The following FRMPD1 variants were observed in gnomAD, a reference collection of about 807,000 sequenced individuals.
The protein encoded by FRMPD1 is FERM and PDZ domain-containing protein 1.
In FRMPD1, 76 loss-of-function variants were observed where a neutral mutation model predicts 117.8. That is an observed-to-expected ratio of 0.65 (90% confidence interval 0.54 to 0.78). The LOEUF (loss-of-function observed/expected upper bound fraction) is 0.78, where lower values mean the gene tolerates loss of function less well. Ranked by LOEUF, FRMPD1 falls within the 30% of genes least tolerant of loss-of-function variation. The probability of loss-of-function intolerance (pLI) is 0.00; values close to 1 mark genes in which losing one functional copy is unlikely to be tolerated. For synonymous variants in FRMPD1, 783 were observed against 770.4 expected (o/e 1.02, Z -0.27); for missense variants, 1,786 against 1,964.5 (o/e 0.91, Z 1.72).
At chr9:37,640,010 C>T in the FRMPD1 span, among the ~76,000 whole-genome samples, 9 of 152,336 alleles carry the variant, frequency 5.9e-5, no homozygotes, top group Non-Finnish European at 8.8e-5. Context: ...TGCCTCTATA[C>T]AGCCAGCATG....
At chr9:37,636,840 C>A in the FRMPD1 span, 2 of 1,611,488 alleles carry the variant, frequency 1.2e-6, no homozygotes, top group Non-Finnish European at 1.7e-6. Context: ...GCATTCTTGG[C>A]ACTCGTCTCC....
At chr9:37,690,177 T>G (rs1822082839) in intron 1 of FRMPD1, among the ~76,000 whole-genome samples, 1 of 152,122 alleles carries the variant, frequency 6.6e-6, no homozygotes. Context: ...TATTGTCTTT[T>G]ATGTTTTCTC....
chr9:37,744,722 T>A lies in FRMPD1; in HGVS notation c.2690T>A (p.Leu897Gln), dbSNP rs1400918897. Residue 897 changes from leucine to glutamine, a missense_variant, in exon 16 of 16, where the codon CTG (leucine) becomes CAG (glutamine). Physicochemically the swap from Leu to Gln is moderately radical, Grantham distance 113. Coordinates refer to ENST00000377765, the MANE Select transcript of FRMPD1 (RefSeq NM_014907.3). Reference protein sequence around the residue: ...LQDMQGEPGLLETKALGLLAP... With the variant: ...LQDMQGEPGLQETKALGLLAP... ...GACATGCAGGGTGAGCCTGGCCTTCTGGAGACCAAGGCCTTGGGGCTGCTG... is the reference window on the plus strand; with the variant it reads ...GACATGCAGGGTGAGCCTGGCCTTCAGGAGACCAAGGCCTTGGGGCTGCTG... 1 of 1,613,976 alleles carries A rather than the reference T, an allele frequency of 6.2e-7. No individual in the cohort carries two copies. Among genetic ancestry groups the A allele is most frequent in the Non-Finnish European group, 8.5e-7 (1 of 1,179,914 alleles).
At chr9:37,731,556 G>A (rs1230593727) in intron 9 of FRMPD1, among the ~76,000 whole-genome samples, 1 of 152,146 alleles carries the variant, frequency 6.6e-6, no homozygotes, top group Non-Finnish European at 1.5e-5. Flanking sequence ...GAGTTATGAT[G>A]CCATTTTTAT....
At chr9:37,667,213 C>T (rs1449243682) in intron 1 of FRMPD1, among the ~76,000 whole-genome samples, 1 of 151,502 alleles carries the variant, frequency 6.6e-6, no homozygotes, top group African/African-American at 2.4e-5. Context: ...CACAGGTGCG[C>T]ACCACCAAGC....
rs772352899 is a variant in FRMPD1, at chr9:37,740,775, C to G, written c.2247C>G (p.Ser749=). The G allele has an allele frequency of 1.4e-5, 22 of 1,614,130 alleles. No homozygotes were observed. Among genetic ancestry groups the G allele is most frequent in the Non-Finnish European group, 1.9e-5 (22 of 1,179,954 alleles). ...GCTGGACTGAGGCCCAGCCCAGTTCCATGCTGGAACCCCTGGCCCTGCACC... is the reference window on the plus strand; with the variant it reads ...GCTGGACTGAGGCCCAGCCCAGTTCGATGCTGGAACCCCTGGCCCTGCACC... ...QQGWTEAQPS[S]MLEPLALHPP... Residue 749 remains serine, a synonymous_variant, in exon 15 of 16, where the codon TCC becomes TCG. Coordinates refer to ENST00000377765, the MANE Select transcript of FRMPD1 (RefSeq NM_014907.3). The surrounding 1 kb of genome is among the most constrained non-coding windows in gnomAD (Gnocchi z 4.2).
In FRMPD1 at chr9:37,744,470, T is replaced by A; in HGVS notation, c.2438T>A (p.Leu813Gln). The A allele has an allele frequency of 6.2e-7, 1 of 1,614,138 alleles. No individual in the cohort carries two copies. Among genetic ancestry groups the A allele is most frequent in the Middle Eastern group, 1.6e-4 (1 of 6,062 alleles). The change falls in exon 16 of 16, where the codon CTG becomes CAG. Residue 813 changes from leucine to glutamine, a missense_variant. Coordinates refer to ENST00000377765, the MANE Select transcript of FRMPD1 (RefSeq NM_014907.3). ...KASTSSPENS[L>Q]PCGPDGRQPS... The stretch of plus-strand genomic sequence containing the variant: ...AGCACTTCTAGCCCTGAGAACAGCC[T>A]GCCTTGTGGGCCAGATGGAAGACAG...
rs866145633 is a variant in FRMPD1 at position 37,740,887 on chromosome 9, G to A, written c.2356+3G>A. 6.2e-7 allele frequency: 1 copy of A among 1,612,518 alleles called. No individual in the cohort carries two copies. Among genetic ancestry groups the A allele is most frequent in the South Asian group, 1.1e-5 (1 of 91,046 alleles). ...CACTCCCCCAGGCCCCCCGTCAGGT[G>A]AGCCGTCCCTTGCAGGTCTGCAGAC... On this transcript the variant is annotated splice_donor_region_variant and intron_variant, in intron 15 of 15. Coordinates refer to ENST00000377765, the MANE Select transcript of FRMPD1 (RefSeq NM_014907.3). The surrounding 1 kb of genome is among the most constrained non-coding windows in gnomAD (Gnocchi z 4.2).
intron 5 of FRMPD1, among the ~76,000 whole-genome samples, chr9:37,717,902 CTT>C (rs1823222291): frequency 6.6e-6 from 1 of 152,166 alleles, no homozygotes; most frequent in African/African-American, 2.4e-5. Context: ...ATCTGATAGT[CTT>C]ATCACTAATT....
chr9:37,729,853 G>C lies in FRMPD1; in HGVS notation c.738G>C (p.Gln246His), dbSNP rs1260307708. Residue 246 changes from glutamine to histidine, a missense_variant and splice_region_variant, in exon 8 of 16, where the codon CAG becomes CAC. Coordinates refer to ENST00000377765, the MANE Select transcript of FRMPD1 (RefSeq NM_014907.3). ...TGCACGAAGAGGAACTCATCCAGCAGGTAGGGAGGACTGACCGCCTGTTCC... is the reference window on the plus strand; with the variant it reads ...TGCACGAAGAGGAACTCATCCAGCACGTAGGGAGGACTGACCGCCTGTTCC... ...HLLHEEELIQ[Q>H]VVEREESHDY... 1 of 1,613,226 alleles carries C rather than the reference G, an allele frequency of 6.2e-7. No homozygotes were observed. The highest frequency in any genetic ancestry group is 1.7e-5 in the Admixed American group (1 of 59,986).
chr9:37,746,561 G>T lies in FRMPD1; in HGVS notation c.4529G>T (p.Cys1510Phe), dbSNP rs1000299727. The T allele has an allele frequency of 2.5e-6, 4 of 1,613,634 alleles. No individual in the cohort carries two copies. In the African/African-American group the frequency reaches 5.3e-5, roughly 22 times the overall value. The stretch of plus-strand genomic sequence containing the variant: ...GGCCTGTGCTTTCAGTTCACAGACT[G>T]TAGCCGCTGCTCCGCCCGGCACAGG... Reference protein sequence around the residue: ...LAGLCFQFTDCSRCSARHREA... With the variant: ...LAGLCFQFTDFSRCSARHREA... The change falls in exon 16 of 16, where the codon TGT (cysteine) becomes TTT (phenylalanine). Residue 1510 changes from cysteine (C) to phenylalanine (F), a missense_variant. Coordinates refer to ENST00000377765, the MANE Select transcript of FRMPD1 (RefSeq NM_014907.3).
the FRMPD1 span, among the ~76,000 whole-genome samples, chr9:37,615,989 G>C: frequency 6.6e-6 from 1 of 151,506 alleles, no homozygotes; most frequent in Admixed American, 6.6e-5. Context: ...GTTTTTTTGT[G>C]TATTTTTAGT....
upstream of FRMPD1, among the ~76,000 whole-genome samples, chr9:37,650,498 C>T (rs1474086458): frequency 6.6e-6 from 1 of 151,494 alleles, no homozygotes; most frequent in African/African-American, 2.5e-5. Context: ...TTCAGCCGAA[C>T]ACCTGCGGGG....
intron 1 of FRMPD1, among the ~76,000 whole-genome samples, chr9:37,664,658 C>A (rs1821106158): frequency 6.6e-6 from 1 of 152,124 alleles, no homozygotes; most frequent in Non-Finnish European, 1.5e-5. Flanking sequence ...AATAGAAGCA[C>A]ACAGTAAAGA....
Position 37,692,741 on chromosome 9 carries a change from C to G in FRMPD1, c.100C>G (p.Arg34Gly), listed in dbSNP as rs759018468. 1.2e-6 allele frequency: 2 copies of G among 1,607,732 alleles called. No homozygotes were observed. Among genetic ancestry groups the G allele is most frequent in the African/African-American group, 1.3e-5 (1 of 74,770 alleles). ...TCGGCGCTCCCGGGACAGCTCGGCC[C>G]GGTAAGCCTCCTGAGTTTGCAGATT... is the stretch of plus-strand genomic sequence containing the variant. Reference protein sequence around the residue: ...WLRRSRDSSARAKVAAADGPA... With the variant: ...WLRRSRDSSAGAKVAAADGPA... The change falls in exon 2 of 16, where the codon CGG (arginine) becomes GGG (glycine). Residue 34 changes from arginine to glycine, a missense_variant and splice_region_variant. Coordinates refer to ENST00000377765, the MANE Select transcript of FRMPD1 (RefSeq NM_014907.3).
chr9:37,644,580 A>C, the FRMPD1 span, among the ~76,000 whole-genome samples: 1 of 152,182 alleles, frequency 6.6e-6, no homozygotes, highest in African/African-American at 2.4e-5. Context: ...CCCCCTGGGT[A>C]GGCACGCTAA....
intron 2 of FRMPD1, among the ~76,000 whole-genome samples, chr9:37,701,542 T>TGTGTGTGTGTGTG (rs1822535626): frequency 2.9e-5 from 4 of 138,948 alleles, no homozygotes; most frequent in African/African-American, 1.0e-4. Flanking sequence ...TGTGTGTGTG[T>TGTGTGTGTGTGTG]TTTGGAGGCA....
At chr9:37,603,463 G>A in the FRMPD1 span, among the ~76,000 whole-genome samples, 1 of 152,290 alleles carries the variant, frequency 6.6e-6, no homozygotes, top group African/African-American at 2.4e-5. Flanking sequence ...AGTCATCCTG[G>A]AAGTAGAGAC....
intron 6 of FRMPD1, among the ~76,000 whole-genome samples, chr9:37,722,912 G>A (rs760425030): frequency 5.9e-5 from 9 of 152,028 alleles, no homozygotes; most frequent in East Asian, 3.9e-4. Context: ...ATATTCTTAC[G>A]AGAGCTGGGA....
Sources: allele counts gnomAD v4.1 joint callset (sites outside exome capture counted in the v4.1 genomes callset), GRCh38; gene constraint gnomAD v4.1.1; non-coding constraint Gnocchi (gnomAD v3.1); transcripts MANE v1.5; gene names NCBI Gene and HGNC (gene_info 2026-07-23, HGNC 2026-07-21).